The following FXR1 variants were observed in gnomAD, a reference collection of about 807,000 sequenced individuals.
FXR1 encodes the protein FMR1 autosomal homolog 1.
FXR1 carries 15 observed loss-of-function variants against 84.0 expected under a neutral mutation model. That is an observed-to-expected ratio of 0.18 (90% CI 0.12 to 0.27). FXR1 has a LOEUF of 0.27. Ranked by LOEUF, FXR1 falls within the 10% of genes least tolerant of loss-of-function variation. The pLI is 1.00. For missense variants in FXR1, 480 were observed against 774.4 expected (o/e 0.62, Z 4.51); for synonymous variants, 245 against 250.7 (o/e 0.98, Z 0.21).
intron 8 of FXR1, among the ~76,000 whole-genome samples, chr3:180,951,750 C>T (rs1436400899): frequency 6.6e-6 from 1 of 151,734 alleles, no homozygotes; most frequent in Non-Finnish European, 1.5e-5. Context: ...AACAAATAAT[C>T]TATCGAAGTA....
intron 3 of FXR1, among the ~76,000 whole-genome samples, chr3:180,938,198 A>C (rs903595915): frequency 6.6e-6 from 1 of 152,210 alleles, no homozygotes; most frequent in Non-Finnish European, 1.5e-5. Flanking sequence ...TTCTTATGCA[A>C]GTCTGGTAGT....
intron 1 of FXR1, among the ~76,000 whole-genome samples, chr3:180,932,028 GT>G (rs556005903): frequency 1.2e-5 from 1 of 86,702 alleles, no homozygotes; most frequent in African/African-American, 4.3e-5. Context: ...GGCTTGCTTT[GT>G]TTTTTATTAC....
intron 1 of FXR1, among the ~76,000 whole-genome samples, chr3:180,918,132 G>A (rs371038708): frequency 8.6e-5 from 13 of 151,690 alleles, no homozygotes; most frequent in African/African-American, 2.4e-4. Flanking sequence ...TTATTTTTCC[G>A]TATTTTTACT....
rs1448536090 is a variant in FXR1 at position 180,977,102 on chromosome 3, T to G, written c.*810T>G. On this transcript the variant is annotated 3_prime_UTR_variant, in exon 17 of 17. Coordinates refer to ENST00000357559, the MANE Select transcript of FXR1 (RefSeq NM_005087.4). ...TTTTTTTTTTTTTATTTCGGTTGTT[T>G]GATGTGCAATATGTTTTTGTATGCA... 1.3e-5 allele frequency: 2 copies of G among 152,056 alleles called. No homozygotes were observed. The highest frequency in any genetic ancestry group is 2.4e-5 in the African/African-American group (1 of 41,258). The allele number at this position is 152,056 out of a possible 1,614,324, so 9.4% of individuals were successfully genotyped here.
At chr3:180,951,918 T>G (rs547400414) in intron 8 of FXR1, among the ~76,000 whole-genome samples, 2 of 152,276 alleles carry the variant, frequency 1.3e-5, no homozygotes, top group East Asian at 3.9e-4. Flanking sequence ...AAAATGTTAT[T>G]CAGCCAGGTG....
At chr3:180,932,490 A>G (rs1043522502) in intron 1 of FXR1, among the ~76,000 whole-genome samples, 6 of 152,222 alleles carry the variant, frequency 3.9e-5, no homozygotes, top group African/African-American at 1.4e-4. Flanking sequence ...TTTCAGCAAC[A>G]GTAATTCTAC....
intron 1 of FXR1, among the ~76,000 whole-genome samples, chr3:180,929,324 A>G (rs973004751): frequency 6.6e-6 from 1 of 152,096 alleles, no homozygotes; most frequent in Admixed American, 6.6e-5. Context: ...ACATTTTAAG[A>G]TTTTGAATAC....
chr3:180,919,728 C>G (rs1480894825), intron 1 of FXR1, among the ~76,000 whole-genome samples: 1 of 152,052 alleles, frequency 6.6e-6, no homozygotes, highest in Admixed American at 6.6e-5. Context: ...GACTGGAGTG[C>G]AGTGGCGCAA....
intron 1 of FXR1, among the ~76,000 whole-genome samples, chr3:180,919,522 G>A (rs556918051): frequency 6.6e-6 from 1 of 151,952 alleles, no homozygotes; most frequent in South Asian, 2.1e-4. Flanking sequence ...AACCTCAAAT[G>A]TTCCACCTGG....
intron 14 of FXR1, among the ~76,000 whole-genome samples, chr3:180,968,848 A>C (rs906777667): frequency 6.6e-6 from 1 of 152,200 alleles, no homozygotes; most frequent in African/African-American, 2.4e-5. Flanking sequence ...TATGCTTTAC[A>C]TTAAGTTGTA....
chr3:180,981,726 A>G lies in FXR1; in HGVS notation c.*5434A>G, dbSNP rs1361597451. On this transcript the variant is annotated 3_prime_UTR_variant, in exon 17 of 17. Coordinates refer to ENST00000357559, the MANE Select transcript of FXR1 (RefSeq NM_005087.4). Reference sequence around the variant, plus strand: ...CTAGCCGTGGGACCTTAGAAAAAAGACCATTTGCTCTGGACTTTTGTTTCC... The same window carrying G: ...CTAGCCGTGGGACCTTAGAAAAAAGGCCATTTGCTCTGGACTTTTGTTTCC... 1 of 152,058 alleles carries G rather than the reference A, an allele frequency of 6.6e-6. No individual in the cohort carries two copies. Among genetic ancestry groups the G allele is most frequent in the African/African-American group, 2.4e-5 (1 of 41,450 alleles). 9.4% of individuals were successfully genotyped at this position (152,058 alleles called of 1,614,324 possible). A position where few individuals can be genotyped will look rare whatever the true frequency, so the allele number is the denominator to read the frequency against.
chr3:180,976,218 C>G lies in FXR1; in HGVS notation c.1792C>G (p.Pro598Ala). The change falls in exon 17 of 17, where the codon CCA becomes GCA. Residue 598 changes from proline to alanine, a missense_variant. This residue lies in a region of FXR1 where 94 missense variants were observed against 81.8 expected (regional missense o/e 1.15). Transcript: ENST00000357559. The stretch of plus-strand genomic sequence containing the variant: ...TGACATTTCTAAGCTACAGCGTACT[C>G]CAGGAGAAGAAAAGATTAATACCTT... ...GDDISKLQRT[P>A]GEEKINTLKE... is the part of the protein sequence containing the mutation. 2 of 1,611,746 alleles carry G rather than the reference C, an allele frequency of 1.2e-6. No homozygotes were observed. The highest frequency in any genetic ancestry group is 1.7e-6 in the Non-Finnish European group (2 of 1,178,072).
chr3:180,940,751 T>C (rs956234760), intron 3 of FXR1, among the ~76,000 whole-genome samples: 10 of 152,086 alleles, frequency 6.6e-5, no homozygotes, highest in African/African-American at 2.2e-4. Context: ...TAATTTTGTA[T>C]TTTTGGTAGA....
chr3:180,961,607 A>G, intron 11 of FXR1, 53 bp downstream of exon 11: 1 of 824,860 alleles, frequency 1.2e-6, no homozygotes, highest in South Asian at 1.5e-5. Flanking sequence ...TTTACTACAT[A>G]AATGTTGTAC....
intron 3 of FXR1, among the ~76,000 whole-genome samples, chr3:180,945,553 C>A (rs991556646): frequency 6.6e-6 from 1 of 152,114 alleles, no homozygotes; most frequent in African/African-American, 2.4e-5. Context: ...CACAGGTGCA[C>A]GCTACGACAC....
intron 15 of FXR1, 25 bp downstream of exon 15, chr3:180,970,383 A>AAGAAATATATAT (rs1713378007): frequency 2.7e-6 from 1 of 366,380 alleles, no homozygotes; most frequent in African/African-American, 3.0e-5. Context: ...AGGGAAGAGA[A>AAGAAATATATAT]ATATATATAT....
intron 1 of FXR1, chr3:180,914,733 T>C: frequency 1.2e-6 from 1 of 837,264 alleles, no homozygotes; most frequent in Non-Finnish European, 1.4e-6. Flanking sequence ...TACAATCTAC[T>C]GCTTGTTTCT....
At position 180,975,384 on chromosome 3, in the gene FXR1, G is replaced by A. The variant is rs1328512371; in HGVS notation, c.1675G>A (p.Ala559Thr). The A allele has an allele frequency of 6.7e-7, 1 of 1,484,184 alleles. No individual in the cohort carries two copies. Among genetic ancestry groups the A allele is most frequent in the Non-Finnish European group, 9.3e-7 (1 of 1,076,526 alleles). 91.9% of individuals were successfully genotyped at this position (1,484,184 alleles called of 1,614,324 possible). ...RQRNLPRETL[A>T]KNKKEMAKDV... ...AAGAAACCTCCCAAGGGAAACTTTG[G>A]CTAAAAACAAGAAAGAAATGGTAAG... Residue 559 changes from alanine to threonine, a missense_variant, in exon 16 of 17, where the codon GCT (alanine) becomes ACT (threonine). This residue lies in a region of FXR1 where 94 missense variants were observed against 81.8 expected (regional missense o/e 1.15). Coordinates refer to ENST00000357559, the MANE Select transcript of FXR1 (RefSeq NM_005087.4).
intron 1 of FXR1, among the ~76,000 whole-genome samples, chr3:180,926,212 A>G (rs1027115160): frequency 2.6e-5 from 4 of 152,140 alleles, no homozygotes; most frequent in Admixed American, 2.6e-4. Context: ...TCATGAGAAG[A>G]GAATTAAAAA....
Sources: gnomAD v4.1 joint callset for allele counts (sites outside exome capture counted in the v4.1 genomes callset) on GRCh38, gnomAD v4.1.1 for gene constraint, gnomAD v4.1.1 regional missense constraint, MANE v1.5 for transcripts, NCBI Gene and HGNC (gene_info 2026-07-23, HGNC 2026-07-21) for gene names.